The following RAB40C variants were observed in gnomAD, a reference collection of about 807,000 sequenced individuals.
RAB40C encodes ras-related protein Rab-40C.
In RAB40C, 8 loss-of-function variants were observed where a neutral mutation model predicts 28.1. The observed-to-expected ratio is 0.28, with a 90% CI of 0.17 to 0.51. The LOEUF (loss-of-function observed/expected upper bound fraction) is 0.51. Ranked by LOEUF, RAB40C falls within the 20% of genes least tolerant of loss-of-function variation. The pLI is 0.97. For missense variants in RAB40C, 288 were observed against 405.9 expected, an observed-to-expected ratio of 0.71 and a Z score of 2.50; for synonymous variants, 201 against 171.7, an observed-to-expected ratio of 1.17 and a Z score of -1.34.
chr16:602,935 T>C (rs892804770), intron 1 of RAB40C, among the ~76,000 whole-genome samples: 2 of 152,138 alleles, frequency 1.3e-5, no homozygotes, highest in African/African-American at 4.8e-5. Flanking sequence ...TTTGTAATCA[T>C]TGAAAGTAAT....
At chr16:617,681 A>G (rs1304833615) in intron 2 of RAB40C, among the ~76,000 whole-genome samples, 1 of 152,046 alleles carries the variant, frequency 6.6e-6, no homozygotes, top group Non-Finnish European at 1.5e-5. Context: ...CATCTCTACT[A>G]AAAATACAAA....
chr16:627,491 C>T lies in RAB40C; in HGVS notation c.715C>T (p.Arg239Cys), dbSNP rs752433198. ...NGMNAVMMHG[R>C]SYSLASGAGG... Reference sequence around the variant, plus strand: ...CATGAACGCGGTCATGATGCACGGCCGTTCCTACTCCCTGGCCAGCGGGGC... The same window carrying T: ...CATGAACGCGGTCATGATGCACGGCTGTTCCTACTCCCTGGCCAGCGGGGC... Residue 239 changes from arginine to cysteine, a missense_variant, in exon 6 of 6, where the codon CGT (arginine) becomes TGT (cysteine). This residue lies in a region of RAB40C where 153 missense variants were observed against 262.4 expected (regional missense o/e 0.58). Coordinates refer to ENST00000248139, the MANE Select transcript of RAB40C (RefSeq NM_021168.5). 5.6e-6 allele frequency: 9 copies of T among 1,613,962 alleles called. No individual in the cohort carries two copies. The highest frequency in any genetic ancestry group is 7.6e-6 in the Non-Finnish European group (9 of 1,180,028).
At chr16:598,335 G>T (rs568298488) in intron 1 of RAB40C, among the ~76,000 whole-genome samples, 18 of 151,024 alleles carry the variant, frequency 1.2e-4, no homozygotes, top group African/African-American at 4.4e-4. Context: ...CCGAGATCAC[G>T]CCACTGACTC....
intron 3 of RAB40C, chr16:624,938 T>C: frequency 3.9e-6 from 5 of 1,288,678 alleles, no homozygotes; most frequent in Non-Finnish European, 5.1e-6. Flanking sequence ...CAAAACCTGC[T>C]CTGCCTGGCT....
At chr16:624,941 G>C (rs1274819111) in intron 3 of RAB40C, 5 of 1,288,700 alleles carry the variant, frequency 3.9e-6, no homozygotes, top group Non-Finnish European at 4.0e-6. Context: ...AACCTGCTCT[G>C]CCTGGCTGGG....
intron 3 of RAB40C, among the ~76,000 whole-genome samples, chr16:619,906 C>T (rs2036676496): frequency 6.6e-6 from 1 of 152,232 alleles, no homozygotes; most frequent in Non-Finnish European, 1.5e-5. Flanking sequence ...GGGAAGGACG[C>T]CAGGGCGGGC....
chr16:614,992 C>A (rs2036558513), intron 1 of RAB40C, among the ~76,000 whole-genome samples: 1 of 152,214 alleles, frequency 6.6e-6, no homozygotes, highest in South Asian at 2.1e-4. Context: ...ATGGGCTGCT[C>A]ACAGCCGTGG....
At chr16:593,980 C>G (rs367613720) in intron 1 of RAB40C, among the ~76,000 whole-genome samples, 2 of 152,154 alleles carry the variant, frequency 1.3e-5, no homozygotes, top group African/African-American at 4.8e-5. Context: ...AGTTCAGGAG[C>G]GAACCTGCAG....
chr16:608,345 A>T (rs2151069458), intron 1 of RAB40C, among the ~76,000 whole-genome samples: 1 of 152,272 alleles, frequency 6.6e-6, no homozygotes, highest in South Asian at 2.1e-4. Context: ...ACCTGTGGGG[A>T]TTAGTCAAGG....
At position 626,027 on chromosome 16, in the gene RAB40C, C is replaced by T. The variant is rs2036822638; in HGVS notation, c.471C>T (p.Pro157=). The change falls in exon 5 of 6, where the codon CCC becomes CCT. Residue 157 remains proline (P), a synonymous_variant. Transcript: ENST00000248139. The part of the protein sequence containing the change: ...KNCMTFFEVS[P]LCNFNVIESF... ...GCATGACCTTCTTTGAGGTCAGCCCCCTGTGCAACTTCAACGTCATCGAGT... is the reference window on the plus strand; with the variant it reads ...GCATGACCTTCTTTGAGGTCAGCCCTCTGTGCAACTTCAACGTCATCGAGT... The T allele has an allele frequency of 6.2e-7, 1 of 1,613,340 alleles. No individual in the cohort carries two copies. Among genetic ancestry groups the T allele is most frequent in the African/African-American group, 1.3e-5 (1 of 74,938 alleles).
intron 1 of RAB40C, among the ~76,000 whole-genome samples, chr16:611,789 A>G (rs1417707071): frequency 1.3e-4 from 7 of 55,060 alleles, no homozygotes; most frequent in African/African-American, 5.3e-4. Flanking sequence ...TGGCCTGTAG[A>G]ATCAAGAGCA....
chr16:594,639 G>A (rs1248226369), intron 1 of RAB40C, among the ~76,000 whole-genome samples: 2 of 151,996 alleles, frequency 1.3e-5, no homozygotes, highest in African/African-American at 2.4e-5. Context: ...ATGTGTCGTC[G>A]GCTGCTTATC....
chr16:602,022 A>G (rs1309867120), intron 1 of RAB40C, among the ~76,000 whole-genome samples: 2 of 151,982 alleles, frequency 1.3e-5, no homozygotes, highest in East Asian at 3.9e-4. Context: ...GCTACTCAGG[A>G]GGCTGAGGCA....
chr16:623,378 G>C (rs1038989950), intron 3 of RAB40C, among the ~76,000 whole-genome samples: 1 of 151,402 alleles, frequency 6.6e-6, no homozygotes, highest in Non-Finnish European at 1.5e-5. Context: ...GGCCGGGCGC[G>C]GTGGCTCACG....
chr16:589,959 TG>T (rs2035951785), upstream of RAB40C: 2 of 108,628 alleles, frequency 1.8e-5, 1 homozygote, highest in South Asian at 5.3e-4. Flanking sequence ...CGGCGCCGTG[TG>T]GAACGCCGTG....
intron 1 of RAB40C, among the ~76,000 whole-genome samples, chr16:606,953 C>A (rs2036372357): frequency 6.6e-6 from 1 of 152,216 alleles, no homozygotes; most frequent in South Asian, 2.1e-4. Flanking sequence ...CTGCACTGTG[C>A]CCTGCAGGAA....
intron 1 of RAB40C, among the ~76,000 whole-genome samples, chr16:598,732 C>A (rs993314498): frequency 2.6e-5 from 4 of 151,834 alleles, no homozygotes; most frequent in Non-Finnish European, 5.9e-5. Flanking sequence ...CAGAGTGAGA[C>A]CCTGTCTCAA....
At chr16:615,764 C>A (rs1258352587) in intron 1 of RAB40C, among the ~76,000 whole-genome samples, 3 of 151,830 alleles carry the variant, frequency 2.0e-5, no homozygotes, top group Admixed American at 2.0e-4. Flanking sequence ...GAATTTGTGA[C>A]CAGCTTAGCC....
intron 3 of RAB40C, among the ~76,000 whole-genome samples, chr16:621,650 C>T (rs919021945): frequency 3.3e-5 from 5 of 152,350 alleles, no homozygotes; most frequent in Admixed American, 3.3e-4. Context: ...GTGCCACAAC[C>T]CGCTGGTGGG....
Sources: gnomAD v4.1 joint callset for allele counts (sites outside exome capture counted in the v4.1 genomes callset) on GRCh38, gnomAD v4.1.1 for gene constraint, gnomAD v4.1.1 regional missense constraint, MANE v1.5 for transcripts, NCBI Gene and HGNC (gene_info 2026-07-23, HGNC 2026-07-21) for gene names.